SLC2A9: variants seen among roughly 807,000 people sequenced by gnomAD.
The protein encoded by SLC2A9 is solute carrier family 2 member 9, also known as solute carrier family 2, facilitated glucose transporter member 9.
In SLC2A9, 39 loss-of-function variants were observed where a neutral mutation model predicts 50.6. That is an observed-to-expected ratio of 0.77 (90% CI 0.60 to 1.01). The LOEUF is 1.01. Ranked by LOEUF, SLC2A9 falls within the 50% of genes least tolerant of loss-of-function variation. SLC2A9 has a pLI of 0.00. For synonymous variants in SLC2A9, 324 were observed against 276.9 expected (o/e 1.17, Z -1.69); for missense variants, 686 against 677.6 (o/e 1.01, Z -0.14).
At chr4:9,860,485 C>T (rs2061733169) in intron 10 of SLC2A9, among the ~76,000 whole-genome samples, 1 of 152,188 alleles carries the variant, frequency 6.6e-6, no homozygotes, top group African/African-American at 2.4e-5. Context: ...TAACGACTGA[C>T]CCAGTAAACA....
intron 11 of SLC2A9, among the ~76,000 whole-genome samples, chr4:9,829,592 G>A (rs1725723968): frequency 7.2e-5 from 11 of 151,918 alleles, no homozygotes; most frequent in Admixed American, 7.2e-4. Context: ...CCTACACAAT[G>A]AGAGAAAGTT....
At chr4:9,880,505 C>G in intron 10 of SLC2A9, 1 of 984,640 alleles carries the variant, frequency 1.0e-6, no homozygotes, top group Non-Finnish European at 1.2e-6. Context: ...ACACTTGGAA[C>G]AGAATCAGGA....
rs557911706 is a variant in SLC2A9, at chr4:9,842,500, C to A, written c.1292-7492G>T. ...AACTATGAATTATGAATTGTAATTACAGATTCGGAAACTGAAATTTCAGGG... is the reference window on the plus strand; with the variant it reads ...AACTATGAATTATGAATTGTAATTAAAGATTCGGAAACTGAAATTTCAGGG... On this transcript the variant is annotated intron_variant, in intron 10 of 11. Transcript: ENST00000264784. 2.0e-5 allele frequency among the ~76,000 whole-genome samples: 3 copies of A among 152,270 alleles called. No homozygotes were observed. In the South Asian group the frequency reaches 6.2e-4, roughly 32 times the overall value.
intron 4 of SLC2A9, among the ~76,000 whole-genome samples, chr4:9,981,250 C>A (rs1755754430): frequency 8.3e-6 from 1 of 121,114 alleles, no homozygotes; most frequent in Non-Finnish European, 1.8e-5. Flanking sequence ...ATGGTTGTGG[C>A]AATGATGATG....
intron 8 of SLC2A9, among the ~76,000 whole-genome samples, chr4:9,892,888 C>T (rs1177749746): frequency 6.6e-6 from 1 of 152,176 alleles, no homozygotes; most frequent in East Asian, 1.9e-4. Flanking sequence ...TGATCATTTA[C>T]TGAGCACCTA....
rs1374010869 is a variant in SLC2A9 at position 9,921,626 on chromosome 4, G to A, written c.815-1054C>T. 2.6e-5 allele frequency among the ~76,000 whole-genome samples: 4 copies of A among 152,336 alleles called. No individual in the cohort carries two copies. The South Asian group carries it at 6.2e-4, about 24-fold the overall frequency. On this transcript the variant is annotated intron_variant, in intron 6 of 11. Transcript: ENST00000264784. The stretch of plus-strand genomic sequence containing the variant: ...TTCTCCAAGAAGCAAGAACCCTTCC[G>A]AAGGCTTTGGAGTGTTATTTCCAGC...
chr4:9,932,081 A>G lies in SLC2A9; in HGVS notation c.814+9832T>C, dbSNP rs73096627. Among the ~76,000 whole-genome samples, 1,167 of 148,786 alleles carry G rather than the reference A, an allele frequency of 7.8e-3. 17 individuals carry two copies. The highest frequency in any genetic ancestry group is 0.028 in the African/African-American group (1,122 of 39,928). On this transcript the variant is annotated intron_variant, in intron 6 of 11. Transcript: ENST00000264784. ...GAAACTATCAAGACAGAAACATCAC[A>G]GAAGGCCCAAAGCAATGATCTAAAA...
chr4:9,960,078 G>A (rs1055136367), intron 5 of SLC2A9, among the ~76,000 whole-genome samples: 1 of 74,564 alleles, frequency 1.3e-5, no homozygotes, highest in Admixed American at 1.6e-4. Flanking sequence ...GGCATTACTT[G>A]GAAAAGCCGC....
chr4:9,887,748 G>A, intron 9 of SLC2A9, 106 bp from the exon 10 acceptor site: 1 of 785,082 alleles, frequency 1.3e-6, no homozygotes. Context: ...CCTTGGACAG[G>A]TCACTTGATG....
intron 6 of SLC2A9, among the ~76,000 whole-genome samples, chr4:9,938,904 G>A (rs747870922): frequency 1.4e-4 from 21 of 152,284 alleles, no homozygotes; most frequent in South Asian, 2.1e-4. Flanking sequence ...CTGCCACTAT[G>A]AACTGGGGGT....
intron 3 of SLC2A9, among the ~76,000 whole-genome samples, chr4:9,820,684 T>C (rs1724277826): frequency 1.3e-5 from 2 of 152,226 alleles, no homozygotes; most frequent in Admixed American, 6.5e-5. Flanking sequence ...TAACCAAGTA[T>C]TTCTTGTTTT....
At chr4:9,947,939 C>A (rs186323208) in intron 5 of SLC2A9, among the ~76,000 whole-genome samples, 1 of 152,278 alleles carries the variant, frequency 6.6e-6, no homozygotes, top group African/African-American at 2.4e-5. Context: ...GTGGTATGTC[C>A]CCTCCTCTAG....
intron 2 of SLC2A9, among the ~76,000 whole-genome samples, chr4:10,002,733 G>T (rs1760061452): frequency 6.6e-6 from 1 of 152,080 alleles, no homozygotes; most frequent in African/African-American, 2.4e-5. Context: ...CACGCCTCTA[G>T]TCCCAGCTAC....
intron 6 of SLC2A9, among the ~76,000 whole-genome samples, chr4:9,938,806 T>A (rs746337055): frequency 6.6e-6 from 1 of 152,102 alleles, no homozygotes; most frequent in Non-Finnish European, 1.5e-5. Context: ...CAAAGCACCA[T>A]GTGTATTGCA....
At chr4:9,771,286 G>A (rs1716782192) in exon 2 of SLC2A9, 3 of 387,520 alleles carry the variant, frequency 7.7e-6, no homozygotes, top group Non-Finnish European at 1.4e-5. Flanking sequence ...GTGTGATGCA[G>A]GTCAATGGGA....
At chr4:10,029,682 T>G (rs1281704097) in intron 1 of SLC2A9, among the ~76,000 whole-genome samples, 2 of 151,954 alleles carry the variant, frequency 1.3e-5, no homozygotes, top group Admixed American at 1.3e-4. Context: ...AATGGCACAA[T>G]CTCATCTAAC....
chr4:9,813,324 A>G (rs1723124966), intron 3 of SLC2A9, among the ~76,000 whole-genome samples: 1 of 152,170 alleles, frequency 6.6e-6, no homozygotes, highest in South Asian at 2.1e-4. Flanking sequence ...CCAACAGTTT[A>G]CTGTTCTCTG....
In SLC2A9 at chr4:9,799,698, C is replaced by CT. The variant is rs1353944283; in HGVS notation, n.421-458_421-457insA. Among the ~76,000 whole-genome samples, 9 of 71,490 alleles carry CT rather than the reference C, an allele frequency of 1.3e-4. 1 individual carries two copies. The highest frequency in any genetic ancestry group is 2.3e-4 in the African/African-American group (5 of 21,288). The allele number at this position is 71,490 out of a possible 152,430, so 46.9% of individuals were successfully genotyped here. A position where few individuals can be genotyped will look rare whatever the true frequency, so the allele number is the denominator to read the frequency against. ...TGAGCTCCATTCCAATTGTACCCCC[C>CT]CCCCACCCAACTTCTACACCAGTTT... On this transcript the variant is annotated intron_variant and non_coding_transcript_variant, in intron 3 of 3. Transcript: ENST00000503280.
chr4:9,825,173 C>A (rs1390767515), downstream of SLC2A9, among the ~76,000 whole-genome samples: 1 of 152,184 alleles, frequency 6.6e-6, no homozygotes, highest in Non-Finnish European at 1.5e-5. Context: ...CTTTAGGACA[C>A]GTTTTTTCAT....
Sources: allele counts gnomAD v4.1 joint callset (sites outside exome capture counted in the v4.1 genomes callset), GRCh38; gene constraint gnomAD v4.1.1; transcripts MANE v1.5; gene names NCBI Gene and HGNC (gene_info 2026-07-23, HGNC 2026-07-21).